CFAP58: variants seen among roughly 807,000 people sequenced by gnomAD.
The protein encoded by CFAP58 is cilia- and flagella-associated protein 58.
A neutral mutation model predicts 119.5 loss-of-function variants in CFAP58; 88 were observed. That is an observed-to-expected ratio of 0.74 (90% CI 0.62 to 0.88). The LOEUF is 0.88. CFAP58 is among the 40% of genes least tolerant of loss of function. CFAP58 has a pLI of 0.00. For missense variants in CFAP58, 990 were observed against 1,021.2 expected (o/e 0.97, Z 0.42); for synonymous variants, 365 against 366.3 (o/e 1.00, Z 0.04).
At chr10:104,391,609 G>T (rs2012045539) in intron 9 of CFAP58, among the ~76,000 whole-genome samples, 1 of 152,162 alleles carries the variant, frequency 6.6e-6, no homozygotes. Flanking sequence ...TTGACTCATG[G>T]TGGAATTTCA....
At chr10:104,450,736 G>C (rs1331669838) in intron 17 of CFAP58, among the ~76,000 whole-genome samples, 1 of 148,442 alleles carries the variant, frequency 6.7e-6, no homozygotes, top group Non-Finnish European at 1.5e-5. Context: ...GTAGCAACAG[G>C]GTCTTGGTAT....
At chr10:104,401,202 CA>C (rs989292191) in intron 13 of CFAP58, among the ~76,000 whole-genome samples, 39 of 152,256 alleles carry the variant, frequency 2.6e-4, no homozygotes, top group African/African-American at 9.4e-4. Context: ...AAATTAGTTA[CA>C]ATTCAGAAAT....
rs2014675316 is a variant in CFAP58 at position 104,362,131 on chromosome 10, G to A, written c.400G>A (p.Val134Met). The change falls in exon 3 of 18, where the codon GTG (valine) becomes ATG (methionine). Residue 134 changes from valine to methionine, a missense_variant. Coordinates refer to ENST00000369704, the MANE Select transcript of CFAP58 (RefSeq NM_001008723.2). ...GGAAATAGTGAACCTGACCAAACTAGTGGAGCAGGGGTCTGGACTGTCAAT... is the reference window on the plus strand; with the variant it reads ...GGAAATAGTGAACCTGACCAAACTAATGGAGCAGGGGTCTGGACTGTCAAT... ...KEEIVNLTKL[V>M]EQGSGLSMDQ... The A allele has an allele frequency of 6.2e-7, 1 of 1,614,106 alleles. No homozygotes were observed. The highest frequency in any genetic ancestry group is 1.1e-5 in the South Asian group (1 of 91,084).
At chr10:104,451,895 ATT>A (rs57385012) in intron 17 of CFAP58, among the ~76,000 whole-genome samples, 7 of 143,932 alleles carry the variant, frequency 4.9e-5, no homozygotes, top group African/African-American at 7.6e-5. Flanking sequence ...TGCCCAGCTA[ATT>A]TTTTTTTTTT....
At chr10:104,362,729 C>G (rs757225515) in intron 3 of CFAP58, among the ~76,000 whole-genome samples, 7 of 152,202 alleles carry the variant, frequency 4.6e-5, no homozygotes, top group Non-Finnish European at 1.0e-4. Context: ...TAACTGGTCT[C>G]CCTGCCTACA....
chr10:104,366,991 CCGAG>C (rs1220176235), intron 5 of CFAP58, among the ~76,000 whole-genome samples: 1 of 151,960 alleles, frequency 6.6e-6, no homozygotes, highest in African/African-American at 2.4e-5. Context: ...CCTCAGTCTC[CCGAG>C]TAACTGGAGT....
rs75768709 is a variant in CFAP58, at chr10:104,396,325, T to A, written c.1674+2850T>A. ...GCTTCAGGGCACCATATTCTTTTAC[T>A]CAGTGGACTCTGTAGCCTGCCATGG... On this transcript the variant is annotated intron_variant, in intron 11 of 17. Coordinates refer to ENST00000369704, the MANE Select transcript of CFAP58 (RefSeq NM_001008723.2). Among the ~76,000 whole-genome samples the A allele has an allele frequency of 1.4e-3, 208 of 148,380 alleles. 1 individual carries two copies. Among genetic ancestry groups the A allele is most frequent in the African/African-American group, 4.9e-3 (199 of 40,300 alleles).
intron 2 of CFAP58, among the ~76,000 whole-genome samples, chr10:104,360,461 G>C (rs571966385): frequency 6.6e-6 from 1 of 151,610 alleles, no homozygotes; most frequent in Non-Finnish European, 1.5e-5. Context: ...CAAGAGGGGC[G>C]GGGGGGAGGT....
rs7900600 is a variant in CFAP58, at chr10:104,364,994, C to T, written c.597+105C>T. On this transcript the variant is annotated intron_variant, in intron 4 of 17. Coordinates refer to ENST00000369704, the MANE Select transcript of CFAP58 (RefSeq NM_001008723.2). The stretch of plus-strand genomic sequence containing the variant: ...CTCCTTTCTCAAATTTACCCCCTAG[C>T]GCCCAAATGAAACATCCTCAGTTCT... 1.3e-4 allele frequency: 154 copies of T among 1,180,682 alleles called. 1 individual carries two copies. In the East Asian group the frequency reaches 2.2e-3, roughly 17 times the overall value. 73.1% of individuals were successfully genotyped at this position (1,180,682 alleles called of 1,614,324 possible). A position where few individuals can be genotyped will look rare whatever the true frequency, so the allele number is the denominator to read the frequency against.
chr10:104,340,951 A>T, the CFAP58 span, among the ~76,000 whole-genome samples: 214 of 152,312 alleles, frequency 1.4e-3, no homozygotes, highest in African/African-American at 4.8e-3. Flanking sequence ...CTTGTGGTTT[A>T]TCCCGGCCCT....
At chr10:104,343,302 G>GC in the CFAP58 span, among the ~76,000 whole-genome samples, 2 of 152,218 alleles carry the variant, frequency 1.3e-5, no homozygotes, top group South Asian at 4.1e-4. Flanking sequence ...GAATGTCGGA[G>GC]CCCACAGGGC....
rs1269565241 is a variant in CFAP58, at chr10:104,376,982, C to G, written c.1173+89C>G. The G allele has an allele frequency of 6.0e-6, 6 of 993,138 alleles. No homozygotes were observed. The African/African-American group carries it at 8.2e-5, about 14-fold the overall frequency. 61.5% of individuals were successfully genotyped at this position (993,138 alleles called of 1,614,324 possible). On this transcript the variant is annotated intron_variant, in intron 8 of 17. Coordinates refer to ENST00000369704, the MANE Select transcript of CFAP58 (RefSeq NM_001008723.2). ...TAGCCAGTTGGATGGGAAAAGAAAA[C>G]TCCGAGGCAAACAAAAGTGGATTAG...
chr10:104,350,688 T>C (rs2014449698), upstream of CFAP58, among the ~76,000 whole-genome samples: 1 of 152,242 alleles, frequency 6.6e-6, no homozygotes, highest in Admixed American at 6.5e-5. Flanking sequence ...AAATGGCATA[T>C]ACTAAATGAT....
chr10:104,345,144 C>T, the CFAP58 span, among the ~76,000 whole-genome samples: 1 of 150,522 alleles, frequency 6.6e-6, no homozygotes, highest in Non-Finnish European at 1.5e-5. Context: ...GAGACTCTGT[C>T]TCAAAAAAAA....
chr10:104,379,976 C>T (rs2133011633), intron 8 of CFAP58, 53 bp from the exon 9 acceptor site: 1 of 1,510,370 alleles, frequency 6.6e-7, no homozygotes, highest in East Asian at 2.3e-5. Context: ...AAACTTAACC[C>T]CAAATCCTTG....
chr10:104,357,860 CAT>C (rs755984146), intron 1 of CFAP58, among the ~76,000 whole-genome samples: 49 of 118,928 alleles, frequency 4.1e-4, no homozygotes, highest in East Asian at 4.8e-4. Flanking sequence ...CATATATACA[CAT>C]ATATACACAT....
intron 15 of CFAP58, among the ~76,000 whole-genome samples, chr10:104,408,386 A>G (rs1406995827): frequency 6.6e-6 from 1 of 152,236 alleles, no homozygotes; most frequent in Non-Finnish European, 1.5e-5. Context: ...ATCAGAGTAC[A>G]TAGTTTGGAT....
chr10:104,454,342 A>C (rs1446424565), intron 17 of CFAP58, 80 bp from the exon 18 acceptor site: 1 of 1,124,362 alleles, frequency 8.9e-7, no homozygotes, highest in Non-Finnish European at 1.3e-6. Context: ...TTCAGTGGCT[A>C]ACACACCCTA....
At chr10:104,371,188 A>C in intron 7 of CFAP58, 134 bp downstream of exon 7, 1 of 772,162 alleles carries the variant, frequency 1.3e-6, no homozygotes. Flanking sequence ...CACACTGGTA[A>C]ACAGTCAATA....
Sources: allele counts gnomAD v4.1 joint callset (sites outside exome capture counted in the v4.1 genomes callset), GRCh38; gene constraint gnomAD v4.1.1; transcripts MANE v1.5; gene names NCBI Gene and HGNC (gene_info 2026-07-23, HGNC 2026-07-21).